Variants in RB1 observed in about 807,000 individuals in gnomAD.
RB1 encodes RB transcriptional corepressor 1.
Under a neutral mutation model 135.4 loss-of-function variants are expected in RB1, and 18 were observed. That is an observed-to-expected ratio of 0.13 (90% confidence interval 0.09 to 0.20). RB1 has a LOEUF of 0.20. RB1 is among the 10% of genes least tolerant of loss of function. The pLI is 1.00. For synonymous variants in RB1, 365 were observed against 373.2 expected (o/e 0.98, Z 0.25); for missense variants, 868 against 1,110.0 (o/e 0.78, Z 3.10).
At chr13:48,345,899 G>A (rs1320047729) in intron 4 of RB1, among the ~76,000 whole-genome samples, 1 of 152,108 alleles carries the variant, frequency 6.6e-6, no homozygotes, top group African/African-American at 2.4e-5. Flanking sequence ...AGAGAATGAG[G>A]ATGGAGATAG....
chr13:48,379,138 A>G (rs1279834824), intron 13 of RB1, among the ~76,000 whole-genome samples: 1 of 152,188 alleles, frequency 6.6e-6, no homozygotes, highest in Non-Finnish European at 1.5e-5. Context: ...GAGAAATGTT[A>G]TATAAGGTAC....
chr13:48,318,299 G>A, intron 2 of RB1: 1 of 1,162,054 alleles, frequency 8.6e-7, no homozygotes, highest in Non-Finnish European at 1.2e-6. Context: ...GCTGCTCCAG[G>A]AAGTGCATCT....
At chr13:48,330,931 A>T (rs1030256269) in intron 2 of RB1, among the ~76,000 whole-genome samples, 3 of 152,200 alleles carry the variant, frequency 2.0e-5, no homozygotes, top group African/African-American at 7.2e-5. Context: ...CATTAAAGGG[A>T]TCATACATCA....
intron 7 of RB1, 78 bp downstream of exon 7, chr13:48,360,205 G>A: frequency 6.3e-7 from 1 of 1,593,312 alleles, no homozygotes; most frequent in Non-Finnish European, 8.5e-7. Flanking sequence ...ACCAAACATG[G>A]TTCTAAGGCT....
rs149279604 is a variant in RB1 at position 48,446,765 on chromosome 13, C to T, written c.1696-6228C>T. Among the ~76,000 whole-genome samples the T allele has an allele frequency of 2.0e-5, 3 of 152,254 alleles. No homozygotes were observed. The East Asian group carries it at 5.8e-4, about 29-fold the overall frequency. On this transcript the variant is annotated intron_variant, in intron 17 of 26. Transcript: ENST00000267163. ...CACAGTCATGGAATAGAAAGATGAC[C>T]AGGATGGCTGGAGTAAGAAGAGTGT...
intron 1 of RB1, 62 bp from the exon 2 acceptor site, chr13:48,307,218 A>G (rs1952088026): frequency 1.5e-6 from 2 of 1,367,852 alleles, no homozygotes; most frequent in South Asian, 1.2e-5. Context: ...TGAAACAAGT[A>G]TGTACTGAAT....
rs9562821 is a variant in RB1, at chr13:48,419,887, C to T, written c.1696-33106C>T. On this transcript the variant is annotated intron_variant, in intron 17 of 26. Coordinates refer to ENST00000267163, the MANE Select transcript of RB1 (RefSeq NM_000321.3). The stretch of plus-strand genomic sequence containing the variant: ...CCAATAACAAGTTCTGAAATTGAGG[C>T]AGTAATTAATAGCGTACCAACCAAA... Among the ~76,000 whole-genome samples, 470 of 152,240 alleles carry T rather than the reference C, an allele frequency of 3.1e-3. 3 individuals carry two copies. Among genetic ancestry groups the T allele is most frequent in the East Asian group, 9.1e-3 (47 of 5,188 alleles).
chr13:48,400,393 A>C (rs1009563466), intron 17 of RB1, among the ~76,000 whole-genome samples: 1 of 152,138 alleles, frequency 6.6e-6, no homozygotes, highest in African/African-American at 2.4e-5. Context: ...AACTCAGGCT[A>C]TCTGGTTCCA....
chr13:48,465,156 G>A (rs1485141485), intron 22 of RB1, 45 bp downstream of exon 22: 1 of 1,612,014 alleles, frequency 6.2e-7, no homozygotes. Flanking sequence ...AATGTAATGG[G>A]TCCACCAAAA....
At chr13:48,326,628 T>A (rs1344561397) in intron 2 of RB1, among the ~76,000 whole-genome samples, 2 of 152,156 alleles carry the variant, frequency 1.3e-5, no homozygotes, top group Non-Finnish European at 2.9e-5. Context: ...TCCATTGTTT[T>A]ACCTGGGGCT....
chr13:48,458,194 A>C (rs1949373776), intron 19 of RB1, among the ~76,000 whole-genome samples: 1 of 152,214 alleles, frequency 6.6e-6, no homozygotes, highest in African/African-American at 2.4e-5. Context: ...ATGTACATAC[A>C]AAAGTAGTGT....
At chr13:48,306,149 A>C (rs1952078406) in intron 1 of RB1, among the ~76,000 whole-genome samples, 1 of 152,226 alleles carries the variant, frequency 6.6e-6, no homozygotes, top group Non-Finnish European at 1.5e-5. Context: ...TCACGCCTGT[A>C]ATGCCAGCAC....
intron 2 of RB1, among the ~76,000 whole-genome samples, chr13:48,324,672 G>T (rs1253348466): frequency 6.6e-6 from 1 of 152,128 alleles, no homozygotes; most frequent in Admixed American, 6.5e-5. Context: ...CATTCAACAT[G>T]GGAATGCAGA....
At chr13:48,457,023 C>A (rs1483670228) in intron 19 of RB1, among the ~76,000 whole-genome samples, 3 of 152,206 alleles carry the variant, frequency 2.0e-5, no homozygotes. Context: ...CATGTTTCAG[C>A]CCTGTTTGTG....
intron 23 of RB1, among the ~76,000 whole-genome samples, chr13:48,465,815 G>A (rs1339329507): frequency 6.6e-6 from 1 of 150,940 alleles, no homozygotes; most frequent in Admixed American, 6.6e-5. Flanking sequence ...CTGGAAAATC[G>A]GGTCACTCCC....
At chr13:48,465,987 G>T (rs1457340693) in intron 23 of RB1, among the ~76,000 whole-genome samples, 1 of 142,988 alleles carries the variant, frequency 7.0e-6, no homozygotes, top group Admixed American at 7.0e-5. Context: ...GGGGAGGGGC[G>T]CCTGCCATTG....
chr13:48,315,899 C>G (rs1952177597), intron 2 of RB1, among the ~76,000 whole-genome samples: 1 of 152,148 alleles, frequency 6.6e-6, no homozygotes, highest in Non-Finnish European at 1.5e-5. Flanking sequence ...TGATCTGCTT[C>G]TAGTTCTTTG....
At chr13:48,389,180 T>A (rs77573355) in intron 17 of RB1, among the ~76,000 whole-genome samples, 4,288 of 151,124 alleles carry the variant, frequency 0.028, 191 homozygotes, top group African/African-American at 0.094. Flanking sequence ...AAAATAAAAT[T>A]AAATTAAATT....
chr13:48,349,823 C>T (rs928151014), intron 6 of RB1, among the ~76,000 whole-genome samples: 8 of 151,876 alleles, frequency 5.3e-5, no homozygotes, highest in East Asian at 1.9e-4. Flanking sequence ...AGACACATAC[C>T]GACTGAAAAT....
Sources: allele counts gnomAD v4.1 joint callset (sites outside exome capture counted in the v4.1 genomes callset), GRCh38; gene constraint gnomAD v4.1.1; transcripts MANE v1.5; gene names NCBI Gene and HGNC (gene_info 2026-07-23, HGNC 2026-07-21).